The following MAGI2 variants were observed in gnomAD, a reference collection of about 807,000 sequenced individuals.
MAGI2 encodes the protein membrane-associated guanylate kinase, WW and PDZ domain-containing protein 2.
MAGI2 carries 35 observed loss-of-function variants against 133.3 expected under a neutral mutation model. That is an observed-to-expected ratio of 0.26 (90% CI 0.20 to 0.35). The LOEUF is 0.35. MAGI2 is among the 10% of genes least tolerant of loss of function. MAGI2 has a pLI of 1.00. For missense variants in MAGI2, 1,636 were observed against 1,863.4 expected (o/e 0.88, Z 2.25); for synonymous variants, 729 against 710.6 (o/e 1.03, Z -0.41).
chr7:78,965,370 C>T (rs1367346778), intron 2 of MAGI2, among the ~76,000 whole-genome samples: 2 of 151,384 alleles, frequency 1.3e-5, no homozygotes, highest in Non-Finnish European at 2.9e-5. Flanking sequence ...GATCTTATGA[C>T]TTTAGGAAAA....
chr7:78,513,742 G>C (rs1563106848), intron 4 of MAGI2, among the ~76,000 whole-genome samples: 1 of 152,102 alleles, frequency 6.6e-6, no homozygotes, highest in Non-Finnish European at 1.5e-5. Flanking sequence ...TTGCAGAGAA[G>C]TAGAGAAACA....
intron 1 of MAGI2, chr7:79,125,705 C>A: frequency 7.6e-6 from 4 of 527,650 alleles, no homozygotes; most frequent in East Asian, 5.1e-5. Flanking sequence ...ACTTTGGAGG[C>A]AGAAGCTCTG....
intron 2 of MAGI2, among the ~76,000 whole-genome samples, chr7:78,927,643 CT>C (rs1321916948): frequency 6.6e-6 from 1 of 151,736 alleles, no homozygotes; most frequent in African/African-American, 2.4e-5. Flanking sequence ...AAACTCTTTC[CT>C]TTTTTTAGCC....
At chr7:78,054,171 G>A (rs1444813247) in intron 21 of MAGI2, among the ~76,000 whole-genome samples, 1 of 152,116 alleles carries the variant, frequency 6.6e-6, no homozygotes, top group Non-Finnish European at 1.5e-5. Context: ...TGTCGCCCAG[G>A]TTGGAGTGCA....
At chr7:78,381,960 A>C (rs1228889401) in intron 6 of MAGI2, among the ~76,000 whole-genome samples, 1 of 152,194 alleles carries the variant, frequency 6.6e-6, no homozygotes, top group Admixed American at 6.5e-5. Flanking sequence ...CTACAGTTTT[A>C]TCTTCAACAA....
intron 2 of MAGI2, among the ~76,000 whole-genome samples, chr7:78,655,936 G>A (rs1812206695): frequency 7.1e-6 from 1 of 140,490 alleles, no homozygotes; most frequent in South Asian, 2.2e-4. Context: ...AGCCGAGATC[G>A]CGCCACTGCA....
chr7:79,387,151 T>G (rs1011491374), intron 1 of MAGI2, among the ~76,000 whole-genome samples: 2 of 146,344 alleles, frequency 1.4e-5, no homozygotes, highest in African/African-American at 5.1e-5. Flanking sequence ...TAGAGGACAT[T>G]TGCTTCTGAA....
chr7:78,597,712 T>C (rs1303709537), intron 3 of MAGI2, among the ~76,000 whole-genome samples: 1 of 152,198 alleles, frequency 6.6e-6, no homozygotes, highest in African/African-American at 2.4e-5. Context: ...CTCTTAATAG[T>C]TAAATTGACA....
intron 21 of MAGI2, among the ~76,000 whole-genome samples, chr7:78,029,067 C>G (rs1584880748): frequency 6.6e-6 from 1 of 152,012 alleles, no homozygotes; most frequent in East Asian, 1.9e-4. Context: ...CCAACCTTTT[C>G]CACATTGGGA....
At chr7:79,014,945 G>C (rs2116623311) in intron 1 of MAGI2, among the ~76,000 whole-genome samples, 1 of 152,206 alleles carries the variant, frequency 6.6e-6, no homozygotes, top group South Asian at 2.1e-4. Flanking sequence ...TTCTTGGTAA[G>C]TCCAATTTAA....
intron 2 of MAGI2, among the ~76,000 whole-genome samples, chr7:78,856,876 A>G (rs150878146): frequency 9.0e-4 from 137 of 152,208 alleles, no homozygotes; most frequent in African/African-American, 3.0e-3. Context: ...GATCCTTCCT[A>G]TCCATGAGCA....
chr7:78,078,419 G>T, intron 21 of MAGI2: 1 of 160,220 alleles, frequency 6.2e-6, no homozygotes. Flanking sequence ...ACACAGGAGT[G>T]AATTTTCAGA....
Position 78,627,253 on chromosome 7 carries a change from A to G in MAGI2, c.419-14T>C. The G allele has an allele frequency of 6.6e-7, 1 of 1,517,492 alleles. No individual in the cohort carries two copies. Among genetic ancestry groups the G allele is most frequent in the Admixed American group, 2.3e-5 (1 of 43,426 alleles). The allele number at this position is 1,517,492 out of a possible 1,614,324, so 94.0% of individuals were successfully genotyped here. On this transcript the variant is annotated splice_polypyrimidine_tract_variant and intron_variant, in intron 2 of 21. Coordinates refer to ENST00000354212, the MANE Select transcript of MAGI2 (RefSeq NM_012301.4). ...GCCTTGTGGTGCCTGAATAAAGAAA[A>G]GTAAAAACAAAAGAAAGACGCTAAG...
chr7:78,232,383 TAAA>T (rs1029760953), intron 10 of MAGI2, among the ~76,000 whole-genome samples: 3 of 152,180 alleles, frequency 2.0e-5, no homozygotes, highest in African/African-American at 7.2e-5. Context: ...TTTTATAACA[TAAA>T]AACATAATAC....
chr7:78,094,033 TA>T (rs1817484055), intron 20 of MAGI2, among the ~76,000 whole-genome samples: 2 of 152,218 alleles, frequency 1.3e-5, no homozygotes, highest in East Asian at 1.9e-4. Flanking sequence ...TTCATATATA[TA>T]TTTTTTCCAT....
chr7:79,181,478 G>A (rs1826616604), intron 1 of MAGI2, among the ~76,000 whole-genome samples: 1 of 151,912 alleles, frequency 6.6e-6, no homozygotes. Context: ...GGGACACAGA[G>A]CATCAAGTCC....
chr7:78,626,826 A>ATGTG (rs71085549), intron 3 of MAGI2, among the ~76,000 whole-genome samples: 153 of 148,434 alleles, frequency 1.0e-3, no homozygotes, highest in East Asian at 3.2e-3. Flanking sequence ...GAATACTTCA[A>ATGTG]TGTGTGTGTG....
At chr7:79,294,943 T>A (rs1205078438) in intron 1 of MAGI2, among the ~76,000 whole-genome samples, 11 of 151,612 alleles carry the variant, frequency 7.3e-5, no homozygotes, top group Admixed American at 7.2e-4. Flanking sequence ...TTTCACCGTG[T>A]TAGCCACGAT....
At chr7:78,231,986 A>G (rs1563298096) in intron 10 of MAGI2, among the ~76,000 whole-genome samples, 1 of 151,686 alleles carries the variant, frequency 6.6e-6, no homozygotes, top group Non-Finnish European at 1.5e-5. Context: ...TTACAAACCC[A>G]CCCCTGGTGT....
Sources: allele counts gnomAD v4.1 joint callset (sites outside exome capture counted in the v4.1 genomes callset), GRCh38; gene constraint gnomAD v4.1.1; transcripts MANE v1.5; gene names NCBI Gene and HGNC (gene_info 2026-07-23, HGNC 2026-07-21).